CCAR1: variants seen among roughly 807,000 people sequenced by gnomAD.
CCAR1 encodes the protein cell division cycle and apoptosis regulator 1.
Under a neutral mutation model 163.8 loss-of-function variants are expected in CCAR1, and 78 were observed. That is an observed-to-expected ratio of 0.48 (90% CI 0.40 to 0.57). The LOEUF is 0.57. Ranked by LOEUF, CCAR1 falls within the 20% of genes least tolerant of loss-of-function variation. CCAR1 has a pLI of 0.00. For synonymous variants in CCAR1, 443 were observed against 460.7 expected, an observed-to-expected ratio of 0.96 and a Z score of 0.49; for missense variants, 1,019 against 1,365.2, an observed-to-expected ratio of 0.75 and a Z score of 4.00.
At chr10:68,786,028 G>A (rs2056791451) in intron 19 of CCAR1, 108 bp from the exon 20 acceptor site, 1 of 704,118 alleles carries the variant, frequency 1.4e-6, no homozygotes, top group South Asian at 1.7e-5. Context: ...CTACACCCTC[G>A]AACGCCTGGC....
intron 19 of CCAR1, among the ~76,000 whole-genome samples, chr10:68,783,900 G>A (rs532847571): frequency 2.8e-4 from 43 of 151,418 alleles, no homozygotes; most frequent in Non-Finnish European, 5.3e-4. Context: ...GACTACAGGC[G>A]GCCGCCACCA....
At chr10:68,772,605 A>G (rs2056616818) in intron 18 of CCAR1, among the ~76,000 whole-genome samples, 1 of 151,932 alleles carries the variant, frequency 6.6e-6, no homozygotes, top group Non-Finnish European at 1.5e-5. Context: ...ATTTAAAACC[A>G]TTTTAAGCCA....
intron 15 of CCAR1, among the ~76,000 whole-genome samples, chr10:68,760,644 T>C (rs2056457116): frequency 6.6e-6 from 1 of 152,116 alleles, no homozygotes; most frequent in Admixed American, 6.5e-5. Context: ...CAAGGCAGGC[T>C]GATCACGAGG....
intron 15 of CCAR1, 101 bp downstream of exon 15, chr10:68,757,478 G>C: frequency 1.6e-6 from 1 of 614,252 alleles, no homozygotes; most frequent in South Asian, 1.9e-5. Context: ...GTAGTGGCGC[G>C]ATCTCGGCTC....
chr10:68,723,978 G>C (rs1294305992), intron 2 of CCAR1, among the ~76,000 whole-genome samples: 2 of 151,894 alleles, frequency 1.3e-5, no homozygotes, highest in Non-Finnish European at 2.9e-5. Flanking sequence ...GACCAACATG[G>C]AGAAACCCTG....
At chr10:68,723,853 GAA>G (rs56293518) in intron 2 of CCAR1, among the ~76,000 whole-genome samples, 127 of 143,076 alleles carry the variant, frequency 8.9e-4, no homozygotes, top group African/African-American at 1.9e-3. Flanking sequence ...ATCTCAAAAA[GAA>G]AAAAAAAAAA....
chr10:68,728,198 G>C (rs2055976347), intron 2 of CCAR1, among the ~76,000 whole-genome samples: 1 of 151,982 alleles, frequency 6.6e-6, no homozygotes, highest in African/African-American at 2.4e-5. Flanking sequence ...ATTTACATGT[G>C]TATCTGTATT....
chr10:68,754,644 T>G (rs2056376893), intron 11 of CCAR1, 70 bp from the exon 12 acceptor site: 1 of 748,220 alleles, frequency 1.3e-6, no homozygotes, highest in African/African-American at 1.8e-5. Context: ...TTAAAGATAA[T>G]TAGTAGTGCT....
intron 17 of CCAR1, among the ~76,000 whole-genome samples, chr10:68,768,930 C>G (rs925449561): frequency 2.6e-5 from 4 of 152,118 alleles, no homozygotes; most frequent in African/African-American, 9.7e-5. Flanking sequence ...GCAAATATAT[C>G]AGATTTGCAA....
chr10:68,729,017 C>G (rs1045860283), intron 2 of CCAR1, among the ~76,000 whole-genome samples: 2 of 151,584 alleles, frequency 1.3e-5, no homozygotes, highest in Admixed American at 1.3e-4. Context: ...TGTGCTACAT[C>G]TGCTTTGTAT....
chr10:68,790,992 C>T (rs563974222), intron 24 of CCAR1, among the ~76,000 whole-genome samples: 1 of 152,154 alleles, frequency 6.6e-6, no homozygotes, highest in Non-Finnish European at 1.5e-5. Flanking sequence ...GCCACCACAC[C>T]TGCCCCATTC....
At position 68,765,939 on chromosome 10, in the gene CCAR1, A is replaced by G; in HGVS notation, c.2158A>G (p.Arg720Gly). ...EEIERQRRER[R>G]YILPDEPAII... Reference sequence around the variant, plus strand: ...AATAGAACGCCAGCGTCGAGAAAGAAGATATATTTTGCCTGATGAACCGGC... The same window carrying G: ...AATAGAACGCCAGCGTCGAGAAAGAGGATATATTTTGCCTGATGAACCGGC... Residue 720 changes from arginine to glycine, a missense_variant, in exon 17 of 25, where the codon AGA (arginine) becomes GGA (glycine). Around this residue, in one of 4 missense-constraint regions of CCAR1, gnomAD observed 644 missense variants for 904.4 expected, o/e 0.71. Transcript: ENST00000265872. 1 of 1,613,986 alleles carries G rather than the reference A, an allele frequency of 6.2e-7. No homozygotes were observed.
chr10:68,749,153 C>G lies in CCAR1; in HGVS notation c.844C>G (p.Pro282Ala), dbSNP rs747121674. 2 of 1,613,954 alleles carry G rather than the reference C, an allele frequency of 1.2e-6. No homozygotes were observed. Among genetic ancestry groups the G allele is most frequent in the South Asian group, 2.2e-5 (2 of 91,056 alleles). ...PQQKAGLLQP[P>A]VRIVSQPQPA... ...TTTTAAAGCTGGTTTATTGCAGCCTCCTGTTCGTATAGTTTCACAGCCACA... is the reference window on the plus strand; with the variant it reads ...TTTTAAAGCTGGTTTATTGCAGCCTGCTGTTCGTATAGTTTCACAGCCACA... Residue 282 changes from proline to alanine, a missense_variant, in exon 9 of 25, where the codon CCT becomes GCT. Coordinates refer to ENST00000265872, the MANE Select transcript of CCAR1 (RefSeq NM_018237.4).
At chr10:68,725,142 A>G (rs76146253) in intron 2 of CCAR1, among the ~76,000 whole-genome samples, 4 of 148,418 alleles carry the variant, frequency 2.7e-5, no homozygotes, top group African/African-American at 1.0e-4. Context: ...CTCCGTCTCA[A>G]AAAAAAAAAA....
intron 3 of CCAR1, 92 bp from the exon 4 acceptor site, chr10:68,737,753 A>T: frequency 1.5e-6 from 1 of 660,200 alleles, no homozygotes. Context: ...TGTTTAGTGT[A>T]ATTGTATGTA....
chr10:68,724,412 C>T (rs1424234927), intron 2 of CCAR1, among the ~76,000 whole-genome samples: 1 of 152,070 alleles, frequency 6.6e-6, no homozygotes, highest in Non-Finnish European at 1.5e-5. Context: ...GTTGAGTGAG[C>T]TGATATCGCA....
At chr10:68,758,442 C>T (rs1465499821) in intron 15 of CCAR1, among the ~76,000 whole-genome samples, 1 of 151,276 alleles carries the variant, frequency 6.6e-6, no homozygotes, top group Non-Finnish European at 1.5e-5. Context: ...GTAGTCGCAG[C>T]ACTTTGAGAG....
At chr10:68,761,644 C>A (rs2056472417) in intron 16 of CCAR1, among the ~76,000 whole-genome samples, 2 of 150,754 alleles carry the variant, frequency 1.3e-5, no homozygotes, top group African/African-American at 4.9e-5. Flanking sequence ...CTCTTGTTGC[C>A]TAGGAGGGAG....
At chr10:68,764,716 T>C (rs1829912890) in intron 16 of CCAR1, among the ~76,000 whole-genome samples, 1 of 152,150 alleles carries the variant, frequency 6.6e-6, no homozygotes, top group South Asian at 2.1e-4. Flanking sequence ...AGATACATGA[T>C]CTATCTACCA....
Sources: gnomAD v4.1 joint callset for allele counts (sites outside exome capture counted in the v4.1 genomes callset) on GRCh38, gnomAD v4.1.1 for gene constraint, gnomAD v4.1.1 regional missense constraint, MANE v1.5 for transcripts, NCBI Gene and HGNC (gene_info 2026-07-23, HGNC 2026-07-21) for gene names.